ZKSCAN2: variants seen among roughly 807,000 people sequenced by gnomAD.
The protein encoded by ZKSCAN2 is zinc finger protein with KRAB and SCAN domains 2.
ZKSCAN2 carries 38 observed loss-of-function variants against 90.5 expected under a neutral mutation model. That is an observed-to-expected ratio of 0.42 (90% CI 0.32 to 0.55). The LOEUF is 0.55. Among genes scored for constraint, ZKSCAN2 ranks in the 20% least tolerant of loss-of-function variants. The pLI is 0.11. For missense variants in ZKSCAN2, 1,167 were observed against 1,202.6 expected (o/e 0.97, Z 0.44); for synonymous variants, 429 against 421.6 (o/e 1.02, Z -0.22).
At chr16:25,243,756 G>C (rs76906242) in intron 6 of ZKSCAN2, 29 bp downstream of exon 6, 11 of 976,264 alleles carry the variant, frequency 1.1e-5, no homozygotes, top group South Asian at 2.0e-5. Context: ...TCCTCTTTTG[G>C]ACTAAAACTC....
chr16:25,249,206 CTTTAGTAATCTATTATATAAA>C (rs749388887), intron 4 of ZKSCAN2, among the ~76,000 whole-genome samples: 4 of 152,150 alleles, frequency 2.6e-5, no homozygotes, highest in Admixed American at 6.6e-5. Context: ...GAGGAATAAA[CTTTAGTAATCTATTATATAAA>C]TTTAGTAATC....
At chr16:25,253,072 G>A in intron 2 of ZKSCAN2, 35 bp from the exon 3 acceptor site, 1 of 1,518,812 alleles carries the variant, frequency 6.6e-7, no homozygotes, top group Non-Finnish European at 9.1e-7. Context: ...AGTAATCTGG[G>A]CTTTGACCCT....
intron 3 of ZKSCAN2, among the ~76,000 whole-genome samples, chr16:25,252,719 G>A (rs1963039512): frequency 6.6e-6 from 1 of 152,110 alleles, no homozygotes; most frequent in African/African-American, 2.4e-5. Flanking sequence ...TTTGAGACCA[G>A]CCTAGGCAAC....
Position 25,239,658 on chromosome 16 carries a change from A to T in ZKSCAN2, c.*158T>A. The stretch of plus-strand genomic sequence containing the variant: ...CAGAAGAGGAGGAACAGACTGATGA[A>T]GTTAGAGGCAGAGGTGAGAACAGGA... On this transcript the variant is annotated 3_prime_UTR_variant, in exon 7 of 7. Transcript: ENST00000328086. 1 of 610,092 alleles carries T rather than the reference A, an allele frequency of 1.6e-6. No homozygotes were observed. Among genetic ancestry groups the T allele is most frequent in the South Asian group, 2.5e-5 (1 of 40,254 alleles). The allele number at this position is 610,092 out of a possible 1,614,324, so 37.8% of individuals were successfully genotyped here.
chr16:25,252,247 G>A (rs139542599), intron 3 of ZKSCAN2, among the ~76,000 whole-genome samples: 49 of 152,280 alleles, frequency 3.2e-4, no homozygotes, highest in African/African-American at 1.1e-3. Flanking sequence ...AGAAGACTGG[G>A]TCCCATCTTT....
At position 25,239,826 on chromosome 16, in the gene ZKSCAN2, T is replaced by C. The variant is rs749433110; in HGVS notation, c.2894A>G (p.Lys965Arg). ...AAGAGAAGATCATCATCAAAAAGTT[T>C]TCCTAAATTCATCAGTCTTTCCCTT... ...PHKGKTDEFR[K>R]TF is the part of the protein sequence containing the mutation. The change falls in exon 7 of 7, where the codon AAA becomes AGA. Residue 965 changes from lysine to arginine, a missense_variant. Lys to Arg is a conservative substitution (Grantham distance 26, BLOSUM62 2). Coordinates refer to ENST00000328086, the MANE Select transcript of ZKSCAN2 (RefSeq NM_001012981.5). The C allele has an allele frequency of 2.3e-5, 37 of 1,577,804 alleles. No homozygotes were observed. Among genetic ancestry groups the C allele is most frequent in the Non-Finnish European group, 3.2e-5 (37 of 1,163,688 alleles).
At position 25,257,590 on chromosome 16, in the gene ZKSCAN2, G is replaced by A. The variant is rs1350324788; in HGVS notation, c.-463C>T. ...CCGCCCGGCGCCAGGTTCCGGGCTC[G>A]GGTCACCGCAGCACGTCCAGGCCGC... On this transcript the variant is annotated 5_prime_UTR_variant, in exon 1 of 7. Transcript: ENST00000328086. 2 of 860,468 alleles carry A rather than the reference G, an allele frequency of 2.3e-6. No individual in the cohort carries two copies. Among genetic ancestry groups the A allele is most frequent in the African/African-American group, 3.7e-5 (2 of 54,790 alleles). 53.3% of individuals were successfully genotyped at this position (860,468 alleles called of 1,614,324 possible).
Position 25,257,516 on chromosome 16 carries a change from G to T in ZKSCAN2, c.-389C>A, listed in dbSNP as rs1173516979. On this transcript the variant is annotated 5_prime_UTR_variant, in exon 1 of 7. Coordinates refer to ENST00000328086, the MANE Select transcript of ZKSCAN2 (RefSeq NM_001012981.5). ...GGGGTGTGTCCGCTACTCCCGGGTC[G>T]GGCGCGGAGAGGCGAGTCCCCGAGT... 2.0e-6 allele frequency: 2 copies of T among 992,616 alleles called. No homozygotes were observed. Among genetic ancestry groups the T allele is most frequent in the Admixed American group, 6.1e-5 (1 of 16,494 alleles). 61.5% of individuals were successfully genotyped at this position (992,616 alleles called of 1,614,324 possible).
Position 25,239,177 on chromosome 16 carries a change from C to G in ZKSCAN2, c.*639G>C, listed in dbSNP as rs1962810495. On this transcript the variant is annotated 3_prime_UTR_variant, in exon 7 of 7. Coordinates refer to ENST00000328086, the MANE Select transcript of ZKSCAN2 (RefSeq NM_001012981.5). ...GGATGAGGGGTGATCAATTGCTTCTCACCTCCATGGAGGGCAAGGCATTAG... is the reference window on the plus strand; with the variant it reads ...GGATGAGGGGTGATCAATTGCTTCTGACCTCCATGGAGGGCAAGGCATTAG... The G allele has an allele frequency of 6.6e-6, 1 of 152,024 alleles. No homozygotes were observed. Among genetic ancestry groups the G allele is most frequent in the Admixed American group, 6.6e-5 (1 of 15,218 alleles). 9.4% of individuals were successfully genotyped at this position (152,024 alleles called of 1,614,324 possible).
At chr16:25,244,450 T>G (rs1442573848) in intron 5 of ZKSCAN2, among the ~76,000 whole-genome samples, 174 bp from the exon 6 acceptor site, 2 of 152,180 alleles carry the variant, frequency 1.3e-5, no homozygotes, top group Non-Finnish European at 2.9e-5. Context: ...TATCAAAATG[T>G]GTAATATCAT....
At chr16:25,240,942 T>C (rs1196840749) in intron 6 of ZKSCAN2, among the ~76,000 whole-genome samples, 1 of 152,164 alleles carries the variant, frequency 6.6e-6, no homozygotes, top group Non-Finnish European at 1.5e-5. Flanking sequence ...TTAAGAAATG[T>C]TTCCTGCATT....
intron 2 of ZKSCAN2, among the ~76,000 whole-genome samples, chr16:25,253,535 A>G (rs1963052353): frequency 6.6e-6 from 1 of 151,106 alleles, no homozygotes; most frequent in Non-Finnish European, 1.5e-5. Flanking sequence ...ATAAAACAGT[A>G]TAGTAGTACT....
In ZKSCAN2 at chr16:25,247,032, T is replaced by A; in HGVS notation, c.1164A>T (p.Arg388Ser). 5 of 1,614,200 alleles carry A rather than the reference T, an allele frequency of 3.1e-6. No homozygotes were observed. Among genetic ancestry groups the A allele is most frequent in the Non-Finnish European group, 4.2e-6 (5 of 1,180,026 alleles). ...ACTTGGTTCGACACTGTTCTGGGGT[T>A]CTAAGGAAGCCACATTCTCGCAACC... The part of the protein sequence containing the change: ...AEWLRECGFL[R>S]TPEQCRTKFK... The change falls in exon 5 of 7, where the codon AGA becomes AGT. Residue 388 changes from arginine to serine, a missense_variant. Coordinates refer to ENST00000328086, the MANE Select transcript of ZKSCAN2 (RefSeq NM_001012981.5).
intron 1 of ZKSCAN2, among the ~76,000 whole-genome samples, 156 bp downstream of exon 1, chr16:25,256,573 G>A (rs1963105130): frequency 6.6e-6 from 1 of 151,996 alleles, no homozygotes; most frequent in Non-Finnish European, 1.5e-5. Context: ...CCTTTTAAGT[G>A]GATTCACTTA....
chr16:25,249,194 G>A, intron 4 of ZKSCAN2, among the ~76,000 whole-genome samples: 1 of 152,098 alleles, frequency 6.6e-6, no homozygotes, highest in East Asian at 1.9e-4. Context: ...TCAGTTAGAT[G>A]GGAGGAATAA....
intron 1 of ZKSCAN2, among the ~76,000 whole-genome samples, chr16:25,256,495 G>A (rs1207328404): frequency 1.3e-5 from 2 of 151,926 alleles, no homozygotes; most frequent in Non-Finnish European, 2.9e-5. Context: ...AATAATGTCT[G>A]GTTTCCATTG....
chr16:25,244,521 TC>T (rs1403795121), intron 5 of ZKSCAN2, among the ~76,000 whole-genome samples: 4 of 152,214 alleles, frequency 2.6e-5, no homozygotes, highest in Non-Finnish European at 5.9e-5. Context: ...TGTACAGATA[TC>T]ATTTCTCATA....
Position 25,246,826 on chromosome 16 carries a change from T to G in ZKSCAN2, c.1370A>C (p.His457Pro). 1 of 1,614,250 alleles carries G rather than the reference T, an allele frequency of 6.2e-7. No homozygotes were observed. Among genetic ancestry groups the G allele is most frequent in the Non-Finnish European group, 8.5e-7 (1 of 1,180,042 alleles). The change falls in exon 5 of 7, where the codon CAC (histidine) becomes CCC (proline). Residue 457 changes from histidine (H) to proline (P), a missense_variant. Physicochemically the swap from His to Pro is moderately conservative, Grantham distance 77 (BLOSUM62 -2). Transcript: ENST00000328086. ...TTCCTCCTCCTCCACCAAGCTGATG[T>G]GTTCCTTAGCACTGATGGCAATTCT... ...LKRIAISAKE[H>P]ISLVEEEEAA...
At chr16:25,251,874 C>T (rs1394779013) in intron 4 of ZKSCAN2, 35 bp downstream of exon 4, 2 of 1,609,836 alleles carry the variant, frequency 1.2e-6, no homozygotes, top group Non-Finnish European at 8.5e-7. Context: ...TAGAAAGCTC[C>T]AAGTCTTATA....
Sources: allele counts gnomAD v4.1 joint callset (sites outside exome capture counted in the v4.1 genomes callset), GRCh38; gene constraint gnomAD v4.1.1; transcripts MANE v1.5; gene names NCBI Gene and HGNC (gene_info 2026-07-23, HGNC 2026-07-21).